PLD5: variants seen among roughly 807,000 people sequenced by gnomAD.
PLD5 encodes inactive phospholipase D5.
In PLD5, 36 loss-of-function variants were observed where a neutral mutation model predicts 61.1. The observed-to-expected ratio is 0.59, with a 90% CI of 0.45 to 0.78. PLD5 has a LOEUF of 0.78. Among genes scored for constraint, PLD5 ranks in the 30% least tolerant of loss-of-function variants. PLD5 has a pLI of 0.00. For synonymous variants in PLD5, 243 were observed against 242.8 expected (o/e 1.00, Z -0.01); for missense variants, 515 against 644.4 (o/e 0.80, Z 2.17).
intron 2 of PLD5, among the ~76,000 whole-genome samples, chr1:242,301,149 G>A (rs137946028): frequency 0.065 from 9,853 of 152,086 alleles, 327 homozygotes; most frequent in Middle Eastern, 0.12. Context: ...AGTCTTGCCT[G>A]GACAAGCCCC....
chr1:242,416,107 A>G (rs1355868643), intron 1 of PLD5, among the ~76,000 whole-genome samples: 3 of 152,014 alleles, frequency 2.0e-5, no homozygotes, highest in African/African-American at 7.2e-5. Flanking sequence ...ACTGTTTTCT[A>G]AGATCAGTTC....
Position 242,327,247 on chromosome 1 carries a change from G to C in PLD5, c.326+20859C>G, listed in dbSNP as rs148554865. Among the ~76,000 whole-genome samples the C allele has an allele frequency of 1.3e-4, 20 of 152,084 alleles. 1 individual carries two copies. In the East Asian group the frequency reaches 3.9e-3, roughly 30 times the overall value. On this transcript the variant is annotated intron_variant, in intron 2 of 9. Transcript: ENST00000536534. ...GTCTTGAACAGCTAGGCTCAAGAGAGCCTCCCACCTTAGCTTCCCAAAGTG... is the reference window on the plus strand; with the variant it reads ...GTCTTGAACAGCTAGGCTCAAGAGACCCTCCCACCTTAGCTTCCCAAAGTG...
At chr1:242,396,175 G>A (rs980466155) in intron 1 of PLD5, among the ~76,000 whole-genome samples, 1 of 152,184 alleles carries the variant, frequency 6.6e-6, no homozygotes. Flanking sequence ...AGGACCAGAT[G>A]TGGATGAGCC....
At chr1:242,388,007 C>T (rs975428593) in intron 1 of PLD5, among the ~76,000 whole-genome samples, 3 of 152,102 alleles carry the variant, frequency 2.0e-5, no homozygotes, top group East Asian at 3.9e-4. Context: ...ATAAAAGCCA[C>T]GGCACAGACA....
At chr1:242,163,454 T>TTAA (rs1666042370) in intron 5 of PLD5, among the ~76,000 whole-genome samples, 1 of 152,170 alleles carries the variant, frequency 6.6e-6, no homozygotes, top group Non-Finnish European at 1.5e-5. Flanking sequence ...CCCTCAAGTC[T>TTAA]TAATTGCTGT....
intron 1 of PLD5, among the ~76,000 whole-genome samples, chr1:242,509,502 T>C (rs1190709594): frequency 1.3e-5 from 2 of 152,242 alleles, no homozygotes; most frequent in African/African-American, 4.8e-5. Context: ...TTCCATCTGT[T>C]CCATGCGGCC....
At chr1:242,355,346 G>C (rs1262141905) in intron 1 of PLD5, among the ~76,000 whole-genome samples, 4 of 152,150 alleles carry the variant, frequency 2.6e-5, no homozygotes, top group East Asian at 3.9e-4. Flanking sequence ...ATTCAGTCTT[G>C]ATAGGTTGTA....
chr1:242,137,969 A>C (rs1158907418), intron 5 of PLD5, among the ~76,000 whole-genome samples: 2 of 152,232 alleles, frequency 1.3e-5, no homozygotes, highest in African/African-American at 4.8e-5. Context: ...GGCTGTCATC[A>C]ATAATTTAAA....
At chr1:242,396,664 T>TTTTG (rs1284126224) in intron 1 of PLD5, among the ~76,000 whole-genome samples, 24 of 118,334 alleles carry the variant, frequency 2.0e-4, no homozygotes, top group Non-Finnish European at 3.7e-4. Flanking sequence ...TCTTTCTTTC[T>TTTTG]TTTCTTTTCT....
At chr1:242,221,994 C>T (rs1670620631) in intron 4 of PLD5, among the ~76,000 whole-genome samples, 1 of 152,224 alleles carries the variant, frequency 6.6e-6, no homozygotes, top group East Asian at 1.9e-4. Context: ...TCAGCAGGGC[C>T]AAACTTCCTC....
intron 6 of PLD5, 147 bp from the exon 7 acceptor site, chr1:242,114,173 TCA>T: frequency 1.1e-6 from 1 of 874,990 alleles, no homozygotes; most frequent in Non-Finnish European, 1.7e-6. Flanking sequence ...AAAGATATTT[TCA>T]ATCTTATCAA....
chr1:242,297,288 G>A (rs2149152520), intron 2 of PLD5, among the ~76,000 whole-genome samples: 1 of 139,628 alleles, frequency 7.2e-6, no homozygotes, highest in East Asian at 2.2e-4. Context: ...AGGTTGCAGT[G>A]AGCCAAGAGC....
intron 1 of PLD5, among the ~76,000 whole-genome samples, chr1:242,393,207 AATATAT>A (rs1379966321): frequency 1.1e-5 from 1 of 87,498 alleles, no homozygotes; most frequent in African/African-American, 4.8e-5. Flanking sequence ...GTCTCAAAAA[AATATAT>A]ATATATATAT....
intron 1 of PLD5, among the ~76,000 whole-genome samples, chr1:242,438,996 A>G (rs142088782): frequency 2.1e-3 from 319 of 152,198 alleles, no homozygotes; most frequent in African/African-American, 7.0e-3. Context: ...CTCAATATGT[A>G]TATTTCTGTT....
intron 5 of PLD5, among the ~76,000 whole-genome samples, chr1:242,130,015 T>TAC (rs547548878): frequency 2.0e-4 from 30 of 152,270 alleles, no homozygotes; most frequent in African/African-American, 7.2e-4. Flanking sequence ...TGTGTATATA[T>TAC]ACCACATTTT....
chr1:242,432,917 T>A (rs1665796100), intron 1 of PLD5, among the ~76,000 whole-genome samples: 1 of 152,180 alleles, frequency 6.6e-6, no homozygotes. Context: ...TTTTCGGATT[T>A]AAAATCACCC....
intron 6 of PLD5, among the ~76,000 whole-genome samples, chr1:242,117,984 T>TTC (rs10628286): frequency 0.86 from 130,599 of 152,054 alleles, 56,411 homozygotes; most frequent in African/African-American, 0.95. Context: ...ATGCTCACAT[T>TTC]TGTTTCAGTT....
At chr1:242,214,538 C>A (rs7531151) in intron 5 of PLD5, among the ~76,000 whole-genome samples, 4,320 of 152,220 alleles carry the variant, frequency 0.028, 215 homozygotes, top group African/African-American at 0.098. Flanking sequence ...ATCAAGCAGA[C>A]CTTCAGGTTA....
intron 1 of PLD5, among the ~76,000 whole-genome samples, chr1:242,491,120 G>T (rs1668136173): frequency 6.6e-6 from 1 of 152,070 alleles, no homozygotes; most frequent in African/African-American, 2.4e-5. Context: ...TGTATTCTTA[G>T]AATTTCTTGG....
Sources: gnomAD v4.1 joint callset for allele counts (sites outside exome capture counted in the v4.1 genomes callset) on GRCh38, gnomAD v4.1.1 for gene constraint, MANE v1.5 for transcripts, NCBI Gene and HGNC (gene_info 2026-07-23, HGNC 2026-07-21) for gene names.